FGF13: variants seen among roughly 807,000 people sequenced by gnomAD.
FGF13 encodes fibroblast growth factor homologous factor 2.
In FGF13, 2 loss-of-function variants were observed where a neutral mutation model predicts 19.5. The observed-to-expected ratio is 0.10, with a 90% CI of 0.04 to 0.32. The LOEUF is 0.32. FGF13 is among the 10% of genes least tolerant of loss of function. FGF13 has a pLI of 1.00. For synonymous variants in FGF13, 72 were observed against 76.9 expected, an observed-to-expected ratio of 0.94 and a Z score of 0.33; for missense variants, 113 against 192.7, an observed-to-expected ratio of 0.59 and a Z score of 2.45.
chrX:139,013,181 A>G (rs1004871732), intron 1 of FGF13, among the ~76,000 whole-genome samples: 1 of 110,510 alleles, frequency 9.0e-6, no homozygotes, highest in Non-Finnish European at 1.9e-5. Flanking sequence ...TAATCAAAAA[A>G]TCAAAAAGTA....
intron 1 of FGF13, among the ~76,000 whole-genome samples, chrX:139,031,058 T>C (rs2092224853): frequency 9.0e-6 from 1 of 111,672 alleles, no homozygotes; most frequent in African/African-American, 3.3e-5. Flanking sequence ...TGTATCTCCC[T>C]AGACAATTTG....
intron 1 of FGF13, among the ~76,000 whole-genome samples, chrX:138,728,577 C>T (rs1181738974): frequency 9.0e-6 from 1 of 110,791 alleles, no homozygotes; most frequent in Non-Finnish European, 1.9e-5. Context: ...TTAAAACCCT[C>T]CCACACTCTA....
chrX:139,003,437 A>AT (rs1211751201), intron 1 of FGF13, among the ~76,000 whole-genome samples: 1 of 111,812 alleles, frequency 8.9e-6, no homozygotes, highest in Non-Finnish European at 1.9e-5. Context: ...ACAGTGTGGA[A>AT]GGGGACCCGA....
intron 1 of FGF13, among the ~76,000 whole-genome samples, chrX:139,131,086 G>C (rs2083756977): frequency 9.1e-6 from 1 of 110,446 alleles, no homozygotes; most frequent in South Asian, 3.8e-4. Context: ...TTCCCAATTT[G>C]AGGATTGAAA....
At chrX:138,979,541 T>C (rs1482114719) in intron 1 of FGF13, among the ~76,000 whole-genome samples, 1 of 110,559 alleles carries the variant, frequency 9.0e-6, no homozygotes, top group Non-Finnish European at 1.9e-5. Context: ...CCTTTTTTTT[T>C]CCATTTCAAT....
At chrX:138,925,464 T>C (rs1171718096) in intron 1 of FGF13, among the ~76,000 whole-genome samples, 1 of 111,652 alleles carries the variant, frequency 9.0e-6, no homozygotes, top group Non-Finnish European at 1.9e-5. Flanking sequence ...GTTGATTTAT[T>C]TTGGAAGACT....
chrX:139,043,510 G>A (rs906590026), intron 1 of FGF13, among the ~76,000 whole-genome samples: 15 of 111,002 alleles, frequency 1.4e-4, no homozygotes, highest in Non-Finnish European at 2.1e-4. Flanking sequence ...ACCGCACCTG[G>A]CTGCTTATCA....
chrX:139,027,226 T>C (rs1242207572), intron 1 of FGF13, among the ~76,000 whole-genome samples: 2 of 112,405 alleles, frequency 1.8e-5, no homozygotes, highest in Non-Finnish European at 1.9e-5. Context: ...TAAAATGTAC[T>C]GTCACTTGCA....
intron 1 of FGF13, among the ~76,000 whole-genome samples, chrX:138,880,163 T>C (rs1488559227): frequency 8.9e-6 from 1 of 112,009 alleles, no homozygotes. Flanking sequence ...ATGGCGATTG[T>C]TAAAAAGTCA....
intron 1 of FGF13, among the ~76,000 whole-genome samples, chrX:138,942,553 T>C (rs1027207406): frequency 2.7e-5 from 3 of 111,811 alleles, no homozygotes; most frequent in African/African-American, 9.8e-5. Flanking sequence ...TTTCGGTTTT[T>C]CTCTCCTTCC....
intron 1 of FGF13, among the ~76,000 whole-genome samples, chrX:139,175,359 T>A (rs1228937790): frequency 8.9e-6 from 1 of 112,443 alleles, no homozygotes; most frequent in Non-Finnish European, 1.9e-5. Context: ...AGAGACAATT[T>A]GACTTCCTCT....
downstream of FGF13, among the ~76,000 whole-genome samples, chrX:138,856,567 T>C (rs1403397396): frequency 8.9e-6 from 1 of 112,094 alleles, no homozygotes; most frequent in African/African-American, 3.2e-5. Context: ...TGCAAAAGTA[T>C]ACACCAACTG....
At chrX:138,939,486 G>C (rs773740445) in intron 1 of FGF13, among the ~76,000 whole-genome samples, 1 of 111,049 alleles carries the variant, frequency 9.0e-6, no homozygotes, top group Non-Finnish European at 1.9e-5. Context: ...ACTGTGTGTC[G>C]GGAGGGTTTG....
chrX:138,811,864 C>T (rs1380927433), intron 3 of FGF13, among the ~76,000 whole-genome samples: 1 of 110,181 alleles, frequency 9.1e-6, no homozygotes, highest in African/African-American at 3.3e-5. Flanking sequence ...TTATTTTTGT[C>T]GTTCCCTCAT....
At chrX:138,677,590 A>C (rs1190010258) in intron 3 of FGF13, among the ~76,000 whole-genome samples, 3 of 111,177 alleles carry the variant, frequency 2.7e-5, no homozygotes, top group African/African-American at 9.8e-5. Flanking sequence ...GCTCACCATC[A>C]CTGGCCATCA....
At chrX:138,707,168 T>C (rs1157824313) in intron 2 of FGF13, among the ~76,000 whole-genome samples, 4 of 111,733 alleles carry the variant, frequency 3.6e-5, no homozygotes, top group Non-Finnish European at 7.5e-5. Context: ...TATGCGTGTG[T>C]GGTGTGTGTG....
In FGF13 at chrX:138,933,419, G is replaced by A. The variant is rs1324068023; in HGVS notation, c.-112-68769C>T. Among the ~76,000 whole-genome samples, 8 of 111,847 alleles carry A rather than the reference G, an allele frequency of 7.2e-5. No individual in the cohort carries two copies. The Admixed American group carries it at 7.6e-4, about 11-fold the overall frequency. On this transcript the variant is annotated intron_variant, in intron 1 of 2. Coordinates refer to the FGF13 transcript ENST00000421460. ...TCTCCTAAGACTCAGGTTCTGTAGT[G>A]TAGACTGGGAGCTCAGCCAATCAGA...
intron 1 of FGF13, among the ~76,000 whole-genome samples, chrX:139,059,972 A>G (rs73581273): frequency 8.9e-6 from 1 of 112,022 alleles, no homozygotes; most frequent in Non-Finnish European, 1.9e-5. Flanking sequence ...TGTCCAAGGC[A>G]GGTGTATAAA....
intron 1 of FGF13, among the ~76,000 whole-genome samples, chrX:139,051,302 C>G (rs2092302724): frequency 8.9e-6 from 1 of 112,026 alleles, no homozygotes; most frequent in Non-Finnish European, 1.9e-5. Context: ...CAAACACCTA[C>G]TTTGGTTATC....
Sources: gnomAD v4.1 joint callset for allele counts (sites outside exome capture counted in the v4.1 genomes callset) on GRCh38, gnomAD v4.1.1 for gene constraint, MANE v1.5 for transcripts, NCBI Gene and HGNC (gene_info 2026-07-23, HGNC 2026-07-21) for gene names.